The following PLCB1 variants were observed in gnomAD, a reference collection of about 807,000 sequenced individuals.
PLCB1 encodes 1-phosphatidylinositol 4,5-bisphosphate phosphodiesterase beta-1.
PLCB1 carries 46 observed loss-of-function variants against 161.8 expected under a neutral mutation model. That is an observed-to-expected ratio of 0.28 (90% confidence interval 0.22 to 0.36). The LOEUF (loss-of-function observed/expected upper bound fraction) is 0.36, where lower values mean the gene tolerates loss of function less well. Ranked by LOEUF, PLCB1 falls within the 10% of genes least tolerant of loss-of-function variation. The pLI, the probability that PLCB1 is intolerant of heterozygous loss-of-function variation, is 1.00. For missense variants in PLCB1, 1,016 were observed against 1,472.5 expected, an observed-to-expected ratio of 0.69 and a Z score of 5.07; for synonymous variants, 517 against 503.7, an observed-to-expected ratio of 1.03 and a Z score of -0.35.
intron 3 of PLCB1, among the ~76,000 whole-genome samples, chr20:8,588,482 T>C (rs959912739): frequency 1.3e-5 from 2 of 152,118 alleles, no homozygotes; most frequent in African/African-American, 4.8e-5. Flanking sequence ...TATTTGGAGA[T>C]AGGGACTTTA....
chr20:8,881,571 GT>G (rs1987990694), intron 31 of PLCB1, 50 bp from the exon 32 acceptor site: 1 of 1,321,100 alleles, frequency 7.6e-7, no homozygotes, highest in Admixed American at 1.7e-5. Context: ...ATGGGAGTGG[GT>G]ATAGAAACAT....
intron 31 of PLCB1, among the ~76,000 whole-genome samples, chr20:8,807,560 T>TG (rs1427244353): frequency 6.6e-6 from 1 of 150,640 alleles, no homozygotes; most frequent in African/African-American, 2.5e-5. Context: ...AAATGAATAG[T>TG]GTTTTTTTTT....
chr20:8,692,916 A>T (rs112066707), intron 10 of PLCB1, among the ~76,000 whole-genome samples: 1 of 152,130 alleles, frequency 6.6e-6, no homozygotes, highest in Non-Finnish European at 1.5e-5. Flanking sequence ...CCACACATCA[A>T]TGCCCACAGT....
At chr20:8,607,691 C>T (rs1461130867) in intron 3 of PLCB1, among the ~76,000 whole-genome samples, 1 of 152,078 alleles carries the variant, frequency 6.6e-6, no homozygotes, top group East Asian at 1.9e-4. Context: ...CTGAAATGTT[C>T]TTGTTCATTA....
chr20:8,677,428 C>A (rs151289720), intron 9 of PLCB1, among the ~76,000 whole-genome samples: 78 of 152,100 alleles, frequency 5.1e-4, no homozygotes, highest in African/African-American at 1.7e-3. Context: ...AAAATCCGGA[C>A]AAATAATATT....
At chr20:8,479,574 A>G (rs1042195944) in intron 3 of PLCB1, among the ~76,000 whole-genome samples, 1 of 152,204 alleles carries the variant, frequency 6.6e-6, no homozygotes, top group Non-Finnish European at 1.5e-5. Context: ...CAACTTAGCC[A>G]TCTATATTAC....
chr20:8,273,403 T>C (rs1408010515), intron 2 of PLCB1, among the ~76,000 whole-genome samples: 3 of 152,188 alleles, frequency 2.0e-5, no homozygotes, highest in African/African-American at 4.8e-5. Flanking sequence ...AATTTCTGAT[T>C]GCTATTTTTA....
chr20:8,469,960 C>A (rs1015945799), intron 3 of PLCB1, among the ~76,000 whole-genome samples: 1 of 152,120 alleles, frequency 6.6e-6, no homozygotes, highest in Non-Finnish European at 1.5e-5. Flanking sequence ...CCCTTTGCAA[C>A]CGCTAATTTA....
intron 31 of PLCB1, among the ~76,000 whole-genome samples, chr20:8,881,371 A>G (rs904978411): frequency 1.6e-5 from 2 of 122,462 alleles, no homozygotes; most frequent in Non-Finnish European, 3.9e-5. Context: ...ATTTGTAGAT[A>G]CCGCTATTCA....
chr20:8,438,439 T>C (rs1185904398), intron 3 of PLCB1, among the ~76,000 whole-genome samples: 1 of 152,174 alleles, frequency 6.6e-6, no homozygotes, highest in Non-Finnish European at 1.5e-5. Context: ...ACTGTTAAAC[T>C]TCTAATGGGC....
intron 3 of PLCB1, among the ~76,000 whole-genome samples, chr20:8,488,518 G>A (rs1200985007): frequency 1.3e-5 from 2 of 152,100 alleles, no homozygotes; most frequent in African/African-American, 4.8e-5. Context: ...TCAAACCCCT[G>A]AATATAACCA....
intron 23 of PLCB1, among the ~76,000 whole-genome samples, chr20:8,754,152 G>A (rs1251146713): frequency 6.6e-6 from 1 of 152,176 alleles, no homozygotes; most frequent in Non-Finnish European, 1.5e-5. Context: ...TTTTAAAAAT[G>A]TCTTTGATTT....
chr20:8,540,064 A>G (rs1200842884), intron 3 of PLCB1, among the ~76,000 whole-genome samples: 1 of 152,212 alleles, frequency 6.6e-6, no homozygotes, highest in African/African-American at 2.4e-5. Context: ...TCTTTTCAAC[A>G]TAGGACAACA....
chr20:8,755,792 AG>A (rs950228874), intron 23 of PLCB1, among the ~76,000 whole-genome samples: 3 of 152,218 alleles, frequency 2.0e-5, no homozygotes, highest in Admixed American at 1.3e-4. Flanking sequence ...GTGCTTAGTC[AG>A]GGAGGGAAGG....
chr20:8,135,639 A>G (rs944866078), intron 1 of PLCB1, among the ~76,000 whole-genome samples: 3 of 152,146 alleles, frequency 2.0e-5, no homozygotes, highest in East Asian at 3.9e-4. Context: ...GTGGGTAGGT[A>G]GCTGGAGTTT....
intron 26 of PLCB1, among the ~76,000 whole-genome samples, chr20:8,773,341 G>T (rs143444511): frequency 1.3e-5 from 2 of 152,292 alleles, no homozygotes; most frequent in Non-Finnish European, 2.9e-5. Context: ...CCTACTCTTT[G>T]TACCCTGTTC....
chr20:8,240,900 C>T (rs1980576304), intron 2 of PLCB1, among the ~76,000 whole-genome samples: 1 of 151,828 alleles, frequency 6.6e-6, no homozygotes, highest in Admixed American at 6.6e-5. Flanking sequence ...TATTCTTTAC[C>T]AGCAAAGCAA....
At chr20:8,473,976 T>C (rs895457727) in intron 3 of PLCB1, among the ~76,000 whole-genome samples, 4 of 152,218 alleles carry the variant, frequency 2.6e-5, no homozygotes, top group African/African-American at 4.8e-5. Context: ...AGAAATCTTA[T>C]TGAATTAAGA....
intron 2 of PLCB1, among the ~76,000 whole-genome samples, chr20:8,274,363 C>T (rs757991565): frequency 3.3e-5 from 5 of 152,064 alleles, no homozygotes; most frequent in Non-Finnish European, 7.4e-5. Context: ...ACTATTTTAA[C>T]ATGAAGCCTT....
Sources: allele counts gnomAD v4.1 joint callset (sites outside exome capture counted in the v4.1 genomes callset), GRCh38; gene constraint gnomAD v4.1.1; transcripts MANE v1.5; gene names NCBI Gene and HGNC (gene_info 2026-07-23, HGNC 2026-07-21).